GULP1: variants seen among roughly 807,000 people sequenced by gnomAD.
The protein encoded by GULP1 is PTB domain-containing engulfment adapter protein 1.
A neutral mutation model predicts 40.9 loss-of-function variants in GULP1; 19 were observed. The ratio of observed to expected loss-of-function variants is 0.46; its 90% CI spans 0.32 to 0.68. The LOEUF (loss-of-function observed/expected upper bound fraction) is 0.68. Among genes scored for constraint, GULP1 ranks in the 30% least tolerant of loss-of-function variants. The pLI, the probability that GULP1 is intolerant of heterozygous loss-of-function variation, is 0.03. For missense variants in GULP1, 312 were observed against 362.2 expected (o/e 0.86, Z 1.12); for synonymous variants, 119 against 117.6 (o/e 1.01, Z -0.08).
intron 7 of GULP1, among the ~76,000 whole-genome samples, chr2:188,565,943 T>C (rs970848605): frequency 1.3e-5 from 2 of 151,748 alleles, no homozygotes; most frequent in Non-Finnish European, 2.9e-5. Flanking sequence ...TATTAGTCTA[T>C]TTTTATAGAT....
intron 2 of GULP1, among the ~76,000 whole-genome samples, chr2:188,446,911 A>T (rs968454487): frequency 6.6e-6 from 1 of 152,154 alleles, no homozygotes; most frequent in Non-Finnish European, 1.5e-5. Flanking sequence ...ATATTTGAAG[A>T]GATTTATTCT....
At chr2:188,489,889 A>G (rs2062196908) in intron 4 of GULP1, among the ~76,000 whole-genome samples, 1 of 152,074 alleles carries the variant, frequency 6.6e-6, no homozygotes, top group Non-Finnish European at 1.5e-5. Context: ...TACAAGAACA[A>G]ATGGAGAAAA....
intron 2 of GULP1, among the ~76,000 whole-genome samples, chr2:188,416,667 G>C (rs930147652): frequency 6.6e-6 from 1 of 152,128 alleles, no homozygotes; most frequent in African/African-American, 2.4e-5. Flanking sequence ...ACATCAATTT[G>C]TGGTCTTTGT....
At chr2:188,499,151 A>ATATG (rs1431931186) in intron 4 of GULP1, among the ~76,000 whole-genome samples, 3 of 145,104 alleles carry the variant, frequency 2.1e-5, no homozygotes, top group African/African-American at 7.5e-5. Context: ...ATATATATAT[A>ATATG]TATATATATA....
At chr2:188,479,241 G>A (rs1447338649) in intron 3 of GULP1, among the ~76,000 whole-genome samples, 1 of 152,146 alleles carries the variant, frequency 6.6e-6, no homozygotes, top group South Asian at 2.1e-4. Context: ...TTTAGATAAT[G>A]TGACCTTTAA....
At chr2:188,329,143 T>A (rs1027851031) in intron 1 of GULP1, among the ~76,000 whole-genome samples, 1 of 136,630 alleles carries the variant, frequency 7.3e-6, no homozygotes, top group African/African-American at 2.9e-5. Flanking sequence ...TCTATTGGAC[T>A]CTTTTTTTTT....
intron 1 of GULP1, among the ~76,000 whole-genome samples, chr2:188,321,060 C>T (rs1270736197): frequency 6.6e-6 from 1 of 152,036 alleles, no homozygotes; most frequent in Non-Finnish European, 1.5e-5. Flanking sequence ...TAATGAATTT[C>T]CTGTTGACTT....
At chr2:188,352,641 C>CAA (rs2044652710) in intron 1 of GULP1, among the ~76,000 whole-genome samples, 1 of 151,506 alleles carries the variant, frequency 6.6e-6, no homozygotes, top group Non-Finnish European at 1.5e-5. Context: ...CACACACACA[C>CAA]ACACACACGG....
At chr2:188,522,321 G>GA (rs1181506918) in intron 4 of GULP1, among the ~76,000 whole-genome samples, 2 of 151,272 alleles carry the variant, frequency 1.3e-5, no homozygotes, top group Middle Eastern at 3.4e-3. Context: ...AGAGACGTGA[G>GA]AAAAAAAAGA....
intron 1 of GULP1, among the ~76,000 whole-genome samples, chr2:188,301,472 A>C (rs192410141): frequency 4.1e-4 from 62 of 152,322 alleles, no homozygotes; most frequent in African/African-American, 1.5e-3. Flanking sequence ...GTACTGTGGC[A>C]TAAATTATTG....
chr2:188,351,244 TGAG>T (rs796614578), intron 1 of GULP1, among the ~76,000 whole-genome samples: 36 of 152,020 alleles, frequency 2.4e-4, no homozygotes, highest in African/African-American at 7.5e-4. Context: ...AGAAAAAAGA[TGAG>T]GAGAGAACTT....
Position 188,483,427 on chromosome 2 carries a change from G to A in GULP1, c.29-4G>A. The A allele has an allele frequency of 1.3e-6, 2 of 1,486,360 alleles. No individual in the cohort carries two copies. The highest frequency in any genetic ancestry group is 1.9e-6 in the Non-Finnish European group (2 of 1,075,532). The allele number at this position is 1,486,360 out of a possible 1,614,324, so 92.1% of individuals were successfully genotyped here. Reference sequence around the variant, plus strand: ...AATTTAACTCTGTGTATTTTTTATTGCAGACAAAACATGGATGCATACACC... The same window carrying A: ...AATTTAACTCTGTGTATTTTTTATTACAGACAAAACATGGATGCATACACC... On this transcript the variant is annotated splice_region_variant and splice_polypyrimidine_tract_variant and intron_variant, in intron 3 of 11. Coordinates refer to ENST00000409830, the MANE Select transcript of GULP1 (RefSeq NM_016315.4).
chr2:188,405,518 C>G (rs927034341), intron 2 of GULP1, among the ~76,000 whole-genome samples: 1 of 152,156 alleles, frequency 6.6e-6, no homozygotes, highest in Non-Finnish European at 1.5e-5. Flanking sequence ...CCTGGCTGGC[C>G]CCTGTCAGTT....
chr2:188,567,603 A>G (rs1250250933), intron 7 of GULP1, among the ~76,000 whole-genome samples: 2 of 152,252 alleles, frequency 1.3e-5, no homozygotes, highest in Admixed American at 6.5e-5. Flanking sequence ...ACACATGGAC[A>G]CAGAGAGGGG....
At chr2:188,462,859 A>T (rs556835470) in intron 2 of GULP1, among the ~76,000 whole-genome samples, 10 of 152,252 alleles carry the variant, frequency 6.6e-5, no homozygotes, top group African/African-American at 2.2e-4. Flanking sequence ...TAACAACTTA[A>T]CATCATTTTC....
Position 188,566,563 on chromosome 2 carries a change from A to C in GULP1, c.400-2676A>C, listed in dbSNP as rs1447254382. Among the ~76,000 whole-genome samples the C allele has an allele frequency of 2.0e-5, 3 of 152,052 alleles. No individual in the cohort carries two copies. The East Asian group carries it at 5.8e-4, about 29-fold the overall frequency. On this transcript the variant is annotated intron_variant, in intron 7 of 11. Transcript: ENST00000409830. ...GATACATCGACACTTTGGGAGGCCA[A>C]GGCGGGTGGATCACCTGTGGTCAGG...
chr2:188,383,497 C>T (rs928063726), intron 1 of GULP1, among the ~76,000 whole-genome samples: 1 of 152,144 alleles, frequency 6.6e-6, no homozygotes, highest in Non-Finnish European at 1.5e-5. Flanking sequence ...GAACTATCAC[C>T]AGGCTTTAAT....
chr2:188,394,747 A>T (rs1292621305), intron 2 of GULP1, among the ~76,000 whole-genome samples: 3 of 152,164 alleles, frequency 2.0e-5, no homozygotes, highest in African/African-American at 7.2e-5. Context: ...TTTAATGTTT[A>T]TACTTTATGG....
chr2:188,415,235 G>A (rs1400245436), intron 2 of GULP1, among the ~76,000 whole-genome samples: 13 of 152,098 alleles, frequency 8.5e-5, no homozygotes, highest in Admixed American at 8.5e-4. Context: ...CACAGATAAA[G>A]AGCACAATTT....
Sources: allele counts gnomAD v4.1 joint callset (sites outside exome capture counted in the v4.1 genomes callset), GRCh38; gene constraint gnomAD v4.1.1; transcripts MANE v1.5; gene names NCBI Gene and HGNC (gene_info 2026-07-23, HGNC 2026-07-21).